Variants in ELAPOR2 observed in about 807,000 individuals in gnomAD.
ELAPOR2 encodes the protein endosome-lysosome associated apoptosis and autophagy regulator family member 2, also known as endosome/lysosome-associated apoptosis and autophagy regulator family member 2.
In ELAPOR2, 89 loss-of-function variants were observed where a neutral mutation model predicts 120.7. The ratio of observed to expected loss-of-function variants is 0.74; its 90% CI spans 0.62 to 0.88. The LOEUF (loss-of-function observed/expected upper bound fraction) is 0.88, where lower values mean the gene tolerates loss of function less well. ELAPOR2 is among the 40% of genes least tolerant of loss of function. ELAPOR2 has a pLI of 0.00. For synonymous variants in ELAPOR2, 444 were observed against 444.9 expected, an observed-to-expected ratio of 1.00 and a Z score of 0.03; for missense variants, 1,134 against 1,251.6, an observed-to-expected ratio of 0.91 and a Z score of 1.42.
intron 21 of ELAPOR2, among the ~76,000 whole-genome samples, chr7:86,890,598 A>G (rs1295988425): frequency 1.3e-5 from 2 of 152,008 alleles, no homozygotes; most frequent in Non-Finnish European, 2.9e-5. Flanking sequence ...CTCTATGAAT[A>G]CGAAACTGTC....
intron 1 of ELAPOR2, among the ~76,000 whole-genome samples, chr7:87,033,326 CA>C (rs1415857150): frequency 6.6e-6 from 1 of 152,066 alleles, no homozygotes; most frequent in Admixed American, 6.6e-5. Flanking sequence ...AACTTGTTAT[CA>C]AAAAAATCGA....
chr7:86,930,643 TGAA>T (rs1186934381), intron 8 of ELAPOR2, among the ~76,000 whole-genome samples: 2 of 151,940 alleles, frequency 1.3e-5, no homozygotes, highest in Non-Finnish European at 2.9e-5. Flanking sequence ...TCTTCAGAGA[TGAA>T]GAAGTTGTAT....
Position 86,912,938 on chromosome 7 carries a change from T to A in ELAPOR2, c.1995+3A>T, listed in dbSNP as rs1259905480. 6.2e-7 allele frequency: 1 copy of A among 1,613,734 alleles called. No individual in the cohort carries two copies. The highest frequency in any genetic ancestry group is 8.5e-7 in the Non-Finnish European group (1 of 1,179,686). ...GGGATACCTGAAATGCAGACCCACTTACCTGATTGTTTTTACTCCCAGGCC... is the reference window on the plus strand; with the variant it reads ...GGGATACCTGAAATGCAGACCCACTAACCTGATTGTTTTTACTCCCAGGCC... On this transcript the variant is annotated splice_donor_region_variant and intron_variant, in intron 14 of 21. Transcript: ENST00000450689.
At chr7:86,998,791 A>G (rs1478440132) in intron 1 of ELAPOR2, among the ~76,000 whole-genome samples, 4 of 151,996 alleles carry the variant, frequency 2.6e-5, no homozygotes, top group African/African-American at 9.7e-5. Context: ...TTTTTCATAA[A>G]CCAAATTTTT....
At chr7:86,989,171 A>C (rs1198838995) in intron 1 of ELAPOR2, among the ~76,000 whole-genome samples, 1 of 152,256 alleles carries the variant, frequency 6.6e-6, no homozygotes, top group Non-Finnish European at 1.5e-5. Context: ...ACCAGATTAT[A>C]GACTTTTTTT....
chr7:86,985,462 T>C (rs1305024559), intron 1 of ELAPOR2, among the ~76,000 whole-genome samples: 5 of 152,148 alleles, frequency 3.3e-5, no homozygotes, highest in African/African-American at 1.2e-4. Context: ...GCAAACCGAA[T>C]CCAGCAGCAC....
chr7:86,903,060 A>C (rs1316439640), intron 18 of ELAPOR2, among the ~76,000 whole-genome samples: 3 of 152,230 alleles, frequency 2.0e-5, no homozygotes, highest in Admixed American at 6.5e-5. Flanking sequence ...ACCAAAAGCC[A>C]GCATCAGATC....
intron 1 of ELAPOR2, among the ~76,000 whole-genome samples, chr7:87,058,033 G>A (rs1462813176): frequency 6.6e-6 from 1 of 152,152 alleles, no homozygotes; most frequent in Non-Finnish European, 1.5e-5. Flanking sequence ...ATACTAAAAA[G>A]CCCTAAAATT....
intron 1 of ELAPOR2, among the ~76,000 whole-genome samples, chr7:87,039,606 G>A (rs112507269): frequency 2.6e-5 from 4 of 152,020 alleles, no homozygotes; most frequent in Admixed American, 2.0e-4. Flanking sequence ...TTCAACATAC[G>A]CAAATAAATC....
chr7:87,011,145 G>GT (rs1282456737), intron 1 of ELAPOR2, among the ~76,000 whole-genome samples: 2 of 151,114 alleles, frequency 1.3e-5, no homozygotes, highest in Non-Finnish European at 2.9e-5. Context: ...GCACGTGCCT[G>GT]TAGTCCCAGC....
chr7:86,965,059 G>C, intron 1 of ELAPOR2, 35 bp from the exon 2 acceptor site: 2 of 1,550,022 alleles, frequency 1.3e-6, no homozygotes, highest in Non-Finnish European at 1.7e-6. Flanking sequence ...CTTTGTTAGA[G>C]CCAGTTCTAA....
chr7:87,007,078 C>A (rs1010776038), intron 1 of ELAPOR2, among the ~76,000 whole-genome samples: 1 of 152,128 alleles, frequency 6.6e-6, no homozygotes, highest in African/African-American at 2.4e-5. Context: ...AGAGAATTAA[C>A]TGGAAAGAAA....
intron 1 of ELAPOR2, among the ~76,000 whole-genome samples, chr7:86,982,871 A>G (rs1190798347): frequency 6.6e-6 from 1 of 151,848 alleles, no homozygotes; most frequent in East Asian, 1.9e-4. Flanking sequence ...TCAGAAGGTC[A>G]GTAATACCAA....
At chr7:86,914,886 T>C in intron 12 of ELAPOR2, 26 bp from the exon 13 acceptor site, 2 of 1,573,812 alleles carry the variant, frequency 1.3e-6, no homozygotes, top group Non-Finnish European at 1.7e-6. Flanking sequence ...AAAACTATAT[T>C]CAAATAAAGC....
At chr7:86,883,129 G>C (rs924111643) in intron 21 of ELAPOR2, among the ~76,000 whole-genome samples, 1 of 150,896 alleles carries the variant, frequency 6.6e-6, no homozygotes, top group African/African-American at 2.4e-5. Flanking sequence ...CTAATTTGAC[G>C]TAACACCCAA....
rs1795365862 is a variant in ELAPOR2 at position 87,059,461 on chromosome 7, G to A, written c.53C>T (p.Ala18Val). ...PVRGRGWGRP[A>V]EAPRRGRSPP... ...CGAGCGCCCGCGGCGGGGAGCCTCCGCCGGCCGCCCCCAGCCCCTGCCCCG... is the reference window on the plus strand; with the variant it reads ...CGAGCGCCCGCGGCGGGGAGCCTCCACCGGCCGCCCCCAGCCCCTGCCCCG... Residue 18 changes from alanine (A) to valine (V), a missense_variant, in exon 1 of 22, where the codon GCG becomes GTG. By Grantham distance (64) the Ala-to-Val change is moderately conservative. Transcript: ENST00000450689. 3 of 1,221,304 alleles carry A rather than the reference G, an allele frequency of 2.5e-6. No homozygotes were observed. The highest frequency in any genetic ancestry group is 3.1e-6 in the Non-Finnish European group (3 of 979,188). 75.7% of individuals were successfully genotyped at this position (1,221,304 alleles called of 1,614,324 possible). A position where few individuals can be genotyped will look rare whatever the true frequency, so the allele number is the denominator to read the frequency against.
chr7:87,038,562 C>G (rs925340140), intron 1 of ELAPOR2, among the ~76,000 whole-genome samples: 4 of 152,026 alleles, frequency 2.6e-5, no homozygotes, highest in African/African-American at 9.7e-5. Flanking sequence ...TTAATACATT[C>G]AAAAGACTGA....
At chr7:87,043,626 C>A in intron 1 of ELAPOR2, among the ~76,000 whole-genome samples, 1 of 145,798 alleles carries the variant, frequency 6.9e-6, no homozygotes, top group Non-Finnish European at 1.5e-5. Flanking sequence ...ATAATAAGAG[C>A]TATCTATGAC....
chr7:86,958,761 A>G (rs950563413), intron 2 of ELAPOR2, among the ~76,000 whole-genome samples: 1 of 152,244 alleles, frequency 6.6e-6, no homozygotes, highest in Non-Finnish European at 1.5e-5. Flanking sequence ...TACATGGCTC[A>G]GAAAGTGTGA....
Sources: gnomAD v4.1 joint callset for allele counts (sites outside exome capture counted in the v4.1 genomes callset) on GRCh38, gnomAD v4.1.1 for gene constraint, MANE v1.5 for transcripts, NCBI Gene and HGNC (gene_info 2026-07-23, HGNC 2026-07-21) for gene names.